The following C3orf20 variants were observed in gnomAD, a reference collection of about 807,000 sequenced individuals.
C3orf20 encodes the protein uncharacterized protein C3orf20.
A neutral mutation model predicts 88.3 loss-of-function variants in C3orf20; 76 were observed. The ratio of observed to expected loss-of-function variants is 0.86; its 90% CI spans 0.72 to 1.04. The LOEUF is 1.04. C3orf20 is among the 50% of genes least tolerant of loss of function. The pLI is 0.00. For synonymous variants in C3orf20, 436 were observed against 437.4 expected (o/e 1.00, Z 0.04); for missense variants, 1,056 against 1,123.3 (o/e 0.94, Z 0.86).
Position 14,682,680 on chromosome 3 carries a change from CAGAG to C in C3orf20, c.-31_-28del. On this transcript the variant is annotated 5_prime_UTR_variant, in exon 3 of 17. Transcript: ENST00000253697. The stretch of plus-strand genomic sequence containing the variant: ...AGAACTTTTGCTCTCAGTCACCTCT[CAGAG>C]AGCTCTCTTTATAGCTGAAGGTCCC... The C allele has an allele frequency of 6.4e-7, 1 of 1,569,686 alleles. No individual in the cohort carries two copies. The highest frequency in any genetic ancestry group is 8.6e-7 in the Non-Finnish European group (1 of 1,158,824).
At chr3:14,678,111 T>A (rs116658982) in intron 1 of C3orf20, among the ~76,000 whole-genome samples, 1,847 of 152,304 alleles carry the variant, frequency 0.012, 43 homozygotes, top group African/African-American at 0.043. Flanking sequence ...GTTTGGAGCC[T>A]TCAGCCTGTA....
intron 12 of C3orf20, among the ~76,000 whole-genome samples, chr3:14,747,641 C>A (rs1052287274): frequency 3.9e-5 from 6 of 152,116 alleles, no homozygotes; most frequent in Non-Finnish European, 8.8e-5. Context: ...TTTTTCTCTT[C>A]AGTCATCCCA....
chr3:14,764,199 A>T (rs1455867590), intron 15 of C3orf20, among the ~76,000 whole-genome samples: 1 of 151,902 alleles, frequency 6.6e-6, no homozygotes, highest in Non-Finnish European at 1.5e-5. Flanking sequence ...AACCAGACAC[A>T]CACAAACTAG....
At chr3:14,708,382 C>T (rs577216204) in intron 7 of C3orf20, among the ~76,000 whole-genome samples, 12 of 151,730 alleles carry the variant, frequency 7.9e-5, no homozygotes, top group Non-Finnish European at 1.5e-4. Context: ...GCCATTAACA[C>T]GTATGTCTGT....
In C3orf20 at chr3:14,684,271, C is replaced by A; in HGVS notation, c.514C>A (p.Arg172Ser). ...TGCCAACCCCTTGGACATCACCAGG[C>A]GCTTTGTGGAGGCCAGCCAGCTCCT... ...VGANPLDITRRFVEASQLLHL... is the reference protein window; with the variant it reads ...VGANPLDITRSFVEASQLLHL... The change falls in exon 4 of 17, where the codon CGC becomes AGC. Residue 172 changes from arginine (R) to serine (S), a missense_variant. Transcript: ENST00000253697. 6.2e-7 allele frequency: 1 copy of A among 1,614,098 alleles called. No homozygotes were observed. The highest frequency in any genetic ancestry group is 8.5e-7 in the Non-Finnish European group (1 of 1,180,020).
chr3:14,710,103 A>G (rs910198603), intron 7 of C3orf20, among the ~76,000 whole-genome samples: 2 of 151,306 alleles, frequency 1.3e-5, no homozygotes, highest in East Asian at 1.9e-4. Context: ...GGTAGTTAAT[A>G]TGTTTCTAGG....
chr3:14,761,585 G>A lies in C3orf20; in HGVS notation c.2465G>A (p.Gly822Asp), dbSNP rs200931047. ...IFRSQQDYKM[G>D]YFLPDDYKFS... ...CGGTCTCAACAGGATTACAAGATGG[G>A]CTACTTCCTGCCGGATGACTACAAA... Residue 822 changes from glycine to aspartate, a missense_variant, in exon 15 of 17, where the codon GGC (glycine) becomes GAC (aspartate). Transcript: ENST00000253697. The A allele has an allele frequency of 8.1e-6, 13 of 1,614,120 alleles. No homozygotes were observed. The highest frequency in any genetic ancestry group is 2.7e-5 in the African/African-American group (2 of 75,032).
chr3:14,715,882 CT>C (rs1210642826), intron 9 of C3orf20, among the ~76,000 whole-genome samples: 1 of 152,006 alleles, frequency 6.6e-6, no homozygotes, highest in East Asian at 1.9e-4. Context: ...GATAGAAACT[CT>C]TTTTTCATTC....
chr3:14,764,482 TA>T (rs1167148129), intron 15 of C3orf20, among the ~76,000 whole-genome samples: 26 of 129,260 alleles, frequency 2.0e-4, no homozygotes, highest in Non-Finnish European at 3.1e-4. Flanking sequence ...CACAATCGTT[TA>T]TTATTATTAT....
intron 7 of C3orf20, among the ~76,000 whole-genome samples, chr3:14,704,901 C>T (rs1162032365): frequency 6.6e-6 from 1 of 152,212 alleles, no homozygotes; most frequent in East Asian, 1.9e-4. Context: ...GACAAAGTCC[C>T]TGCCTTTGAG....
At chr3:14,725,496 T>G (rs1356059378) in intron 10 of C3orf20, among the ~76,000 whole-genome samples, 1 of 152,208 alleles carries the variant, frequency 6.6e-6, no homozygotes, top group Non-Finnish European at 1.5e-5. Context: ...CAACAGCCTC[T>G]GTTTAAATGC....
chr3:14,763,411 T>C (rs2035614340), intron 15 of C3orf20, among the ~76,000 whole-genome samples: 1 of 152,092 alleles, frequency 6.6e-6, no homozygotes, highest in South Asian at 2.1e-4. Context: ...AGGGTCTCTC[T>C]GGGGCCTGTT....
At chr3:14,700,530 G>A (rs1160860805) in intron 5 of C3orf20, among the ~76,000 whole-genome samples, 1 of 152,176 alleles carries the variant, frequency 6.6e-6, no homozygotes, top group Non-Finnish European at 1.5e-5. Flanking sequence ...ATTTCTCAAG[G>A]ACTCGGGGGA....
At chr3:14,752,737 A>G (rs987517303) in intron 12 of C3orf20, among the ~76,000 whole-genome samples, 2 of 152,274 alleles carry the variant, frequency 1.3e-5, no homozygotes, top group Non-Finnish European at 2.9e-5. Context: ...ATATGAAAAA[A>G]TAGTCATCAT....
chr3:14,741,007 G>A (rs746382115), intron 12 of C3orf20, among the ~76,000 whole-genome samples: 5 of 152,078 alleles, frequency 3.3e-5, no homozygotes, highest in Non-Finnish European at 2.9e-5. Context: ...CCTTGACTTT[G>A]TATCTAATAT....
At chr3:14,721,159 C>T (rs2034147428) in intron 9 of C3orf20, among the ~76,000 whole-genome samples, 1 of 152,198 alleles carries the variant, frequency 6.6e-6, no homozygotes, top group Non-Finnish European at 1.5e-5. Flanking sequence ...GGCCCAGGCC[C>T]TTCTGGGTCC....
chr3:14,727,005 T>A lies in C3orf20; in HGVS notation c.1671T>A (p.Asn557Lys). The change falls in exon 11 of 17, where the codon AAT becomes AAA. Residue 557 changes from asparagine to lysine, a missense_variant. Asn to Lys is a moderately conservative substitution (Grantham distance 94). Coordinates refer to ENST00000253697, the MANE Select transcript of C3orf20 (RefSeq NM_032137.5). ...AGAAGACAGTGACTCAGTTCATTAA[T>A]TCTATCTTGCTGGCCGCAGGTAAGG... is the stretch of plus-strand genomic sequence containing the variant. ...RFQKTVTQFINSILLAAGLFT... is the reference protein window; with the variant it reads ...RFQKTVTQFIKSILLAAGLFT... The A allele has an allele frequency of 6.2e-7, 1 of 1,614,184 alleles. No homozygotes were observed.
Position 14,703,492 on chromosome 3 carries a change from C to T in C3orf20, c.878+230C>T, listed in dbSNP as rs115303134. 4.1e-3 allele frequency among the ~76,000 whole-genome samples: 620 copies of T among 152,368 alleles called. 3 individuals are homozygous for T. Among genetic ancestry groups the T allele is most frequent in the African/African-American group, 0.014 (565 of 41,586 alleles). On this transcript the variant is annotated intron_variant, in intron 6 of 16. Coordinates refer to ENST00000253697, the MANE Select transcript of C3orf20 (RefSeq NM_032137.5). ...GCTCACCACCCTCCCTACAATATCA[C>T]TGCAACCATGCAAGGAAGACAGGAT...
rs368588752 is a variant in C3orf20, at chr3:14,712,636, C to G, written c.1161-1371C>G. Among the ~76,000 whole-genome samples the G allele has an allele frequency of 6.6e-5, 10 of 152,160 alleles. No homozygotes were observed. In the South Asian group the frequency reaches 1.0e-3, roughly 16 times the overall value. On this transcript the variant is annotated intron_variant, in intron 7 of 16. Coordinates refer to ENST00000253697, the MANE Select transcript of C3orf20 (RefSeq NM_032137.5). ...GCCCATTAACATAGGTTTACAATTA[C>G]TGTTTTATGCATTTATCTTTCAAAT... is the stretch of plus-strand genomic sequence containing the variant.
Sources: allele counts gnomAD v4.1 joint callset (sites outside exome capture counted in the v4.1 genomes callset), GRCh38; gene constraint gnomAD v4.1.1; transcripts MANE v1.5; gene names NCBI Gene and HGNC (gene_info 2026-07-23, HGNC 2026-07-21).